Variants in ZNF804A observed in about 807,000 individuals in gnomAD.
ZNF804A encodes zinc finger protein 804A.
Under a neutral mutation model 16.5 loss-of-function variants are expected in ZNF804A, and 2 were observed. That is an observed-to-expected ratio of 0.12 (90% CI 0.05 to 0.38). ZNF804A has a LOEUF of 0.38. ZNF804A is among the 10% of genes least tolerant of loss of function. The pLI, the probability that ZNF804A is intolerant of heterozygous loss-of-function variation, is 0.99. For missense variants in ZNF804A, 1,473 were observed against 1,390.7 expected (o/e 1.06, Z -0.94); for synonymous variants, 534 against 489.6 (o/e 1.09, Z -1.20).
At chr2:184,726,389 A>C (rs1469661769) in intron 1 of ZNF804A, among the ~76,000 whole-genome samples, 1 of 151,626 alleles carries the variant, frequency 6.6e-6, no homozygotes, top group Admixed American at 6.6e-5. Context: ...TTTTGTAGGA[A>C]CATATTTCTG....
chr2:184,878,237 A>G (rs368920985), intron 2 of ZNF804A, among the ~76,000 whole-genome samples: 1 of 152,088 alleles, frequency 6.6e-6, no homozygotes, highest in Non-Finnish European at 1.5e-5. Flanking sequence ...GCTATGGACA[A>G]CAAAGAAATG....
chr2:184,880,657 T>C (rs1198090117), intron 2 of ZNF804A, among the ~76,000 whole-genome samples: 6 of 150,260 alleles, frequency 4.0e-5, no homozygotes, highest in Non-Finnish European at 7.4e-5. Flanking sequence ...ACAGATTACA[T>C]TGAGACTGAG....
intron 1 of ZNF804A, among the ~76,000 whole-genome samples, chr2:184,700,265 T>C (rs1249767938): frequency 1.3e-5 from 2 of 152,138 alleles, no homozygotes; most frequent in African/African-American, 2.4e-5. Context: ...AATTCATGAA[T>C]GACTGAATGA....
At chr2:184,624,589 C>G (rs1484504542) in intron 1 of ZNF804A, among the ~76,000 whole-genome samples, 1 of 152,048 alleles carries the variant, frequency 6.6e-6, no homozygotes, top group African/African-American at 2.4e-5. Context: ...TTGAATTATT[C>G]ATAACAGAGG....
chr2:184,937,888 A>T lies in ZNF804A; in HGVS notation c.2492A>T (p.Asn831Ile). 6.2e-7 allele frequency: 1 copy of T among 1,614,170 alleles called. No individual in the cohort carries two copies. The highest frequency in any genetic ancestry group is 8.5e-7 in the Non-Finnish European group (1 of 1,180,014). Residue 831 changes from asparagine (N) to isoleucine (I), a missense_variant, in exon 4 of 4, where the codon AAT becomes ATT. Coordinates refer to ENST00000302277, the MANE Select transcript of ZNF804A (RefSeq NM_194250.2). The stretch of plus-strand genomic sequence containing the variant: ...TTTGAAACTTTAGAACTCAAAGAAA[A>T]TACAGATTATCCCGTGAAAGACAAT... ...PGFETLELKE[N>I]TDYPVKDNSS...
At chr2:184,818,618 G>A (rs1024018234) in intron 1 of ZNF804A, among the ~76,000 whole-genome samples, 2 of 152,004 alleles carry the variant, frequency 1.3e-5, no homozygotes, top group Non-Finnish European at 2.9e-5. Context: ...ATGGCAAGCT[G>A]GATAGAGTCA....
intron 2 of ZNF804A, among the ~76,000 whole-genome samples, chr2:184,920,592 C>T (rs1039142400): frequency 1.3e-5 from 2 of 152,022 alleles, no homozygotes; most frequent in African/African-American, 2.4e-5. Context: ...TGACAAAACA[C>T]GAAAAATTGG....
chr2:184,890,628 A>T (rs1237967066), intron 2 of ZNF804A, among the ~76,000 whole-genome samples: 1 of 151,932 alleles, frequency 6.6e-6, no homozygotes, highest in Non-Finnish European at 1.5e-5. Context: ...CTATTTTGTA[A>T]CTGTAACTCT....
intron 1 of ZNF804A, among the ~76,000 whole-genome samples, chr2:184,827,406 A>C (rs1695182888): frequency 6.8e-6 from 1 of 147,650 alleles, no homozygotes; most frequent in Non-Finnish European, 1.5e-5. Flanking sequence ...AATTATTTAA[A>C]TTGATAACTT....
At chr2:184,629,628 C>G (rs1037597450) in intron 1 of ZNF804A, among the ~76,000 whole-genome samples, 1 of 151,924 alleles carries the variant, frequency 6.6e-6, no homozygotes, top group Non-Finnish European at 1.5e-5. Context: ...AAATAAAAAG[C>G]CTTTTGAGGT....
intron 1 of ZNF804A, among the ~76,000 whole-genome samples, chr2:184,775,147 A>AT (rs1357179615): frequency 6.6e-6 from 1 of 151,760 alleles, no homozygotes; most frequent in Non-Finnish European, 1.5e-5. Context: ...TTTAATATGT[A>AT]TAATTTCCTC....
intron 2 of ZNF804A, among the ~76,000 whole-genome samples, chr2:184,870,648 C>G (rs1695961458): frequency 6.6e-6 from 1 of 151,960 alleles, no homozygotes; most frequent in African/African-American, 2.4e-5. Flanking sequence ...CCAATTAATG[C>G]TGCTCATATA....
chr2:184,890,176 T>TA (rs35884393), intron 2 of ZNF804A, among the ~76,000 whole-genome samples: 1 of 152,092 alleles, frequency 6.6e-6, no homozygotes, highest in Non-Finnish European at 1.5e-5. Flanking sequence ...CACACAAGGT[T>TA]AAAAAAACTT....
intron 1 of ZNF804A, among the ~76,000 whole-genome samples, chr2:184,702,258 A>G (rs888211142): frequency 5.3e-5 from 8 of 152,062 alleles, no homozygotes; most frequent in Admixed American, 5.2e-4. Flanking sequence ...TCAAATTTTG[A>G]TTTTTTGAGA....
rs779929990 is a variant in ZNF804A, at chr2:184,695,465, TAAAAAA to T, written c.111+96417_111+96422del. ...GGGCGACAGAGCGAGACTCCGTCAT[TAAAAAA>T]AAAAAAAAAAAAAAAAAAAAAGAAT... On this transcript the variant is annotated intron_variant, in intron 1 of 3. Coordinates refer to ENST00000302277, the MANE Select transcript of ZNF804A (RefSeq NM_194250.2). Among the ~76,000 whole-genome samples, 140 of 51,824 alleles carry T rather than the reference TAAAAAA, an allele frequency of 2.7e-3. 1 individual carries two copies. Among genetic ancestry groups the T allele is most frequent in the Non-Finnish European group, 3.6e-3 (109 of 30,434 alleles). 34.0% of individuals were successfully genotyped at this position (51,824 alleles called of 152,430 possible). A position where few individuals can be genotyped will look rare whatever the true frequency, so the allele number is the denominator to read the frequency against.
At chr2:184,842,441 G>T (rs749381045) in intron 1 of ZNF804A, among the ~76,000 whole-genome samples, 1 of 151,800 alleles carries the variant, frequency 6.6e-6, no homozygotes, top group African/African-American at 2.4e-5. Context: ...AATTCACAAA[G>T]CTAGAAGTTT....
chr2:184,604,412 A>G (rs569943132), intron 1 of ZNF804A, among the ~76,000 whole-genome samples: 1 of 151,816 alleles, frequency 6.6e-6, no homozygotes, highest in East Asian at 1.9e-4. Flanking sequence ...TGACCTCATG[A>G]TCCGCCAGCC....
chr2:184,843,165 A>G (rs1695462400), intron 1 of ZNF804A, among the ~76,000 whole-genome samples: 1 of 152,158 alleles, frequency 6.6e-6, no homozygotes. Context: ...ACAAGAGATC[A>G]CTCCATCCTT....
chr2:184,651,610 C>A (rs1267024834), intron 1 of ZNF804A, among the ~76,000 whole-genome samples: 1 of 151,918 alleles, frequency 6.6e-6, no homozygotes, highest in Non-Finnish European at 1.5e-5. Context: ...AAACAAACAA[C>A]TTTATTTAAA....
Sources: gnomAD v4.1 joint callset for allele counts (sites outside exome capture counted in the v4.1 genomes callset) on GRCh38, gnomAD v4.1.1 for gene constraint, MANE v1.5 for transcripts, NCBI Gene and HGNC (gene_info 2026-07-23, HGNC 2026-07-21) for gene names.